OSBPL10: variants seen among roughly 807,000 people sequenced by gnomAD.
The protein encoded by OSBPL10 is oxysterol binding protein like 10, also known as oxysterol-binding protein-related protein 10.
In OSBPL10, 49 loss-of-function variants were observed where a neutral mutation model predicts 81.7. That is an observed-to-expected ratio of 0.60 (90% CI 0.48 to 0.76). The LOEUF (loss-of-function observed/expected upper bound fraction) is 0.76. OSBPL10 is among the 30% of genes least tolerant of loss of function. The pLI is 0.00. For missense variants in OSBPL10, 923 were observed against 987.8 expected (o/e 0.93, Z 0.88); for synonymous variants, 419 against 383.6 (o/e 1.09, Z -1.08).
At chr3:31,991,256 G>T in intron 2 of OSBPL10, 1 of 354,324 alleles carries the variant, frequency 2.8e-6, no homozygotes, top group Non-Finnish European at 5.3e-6. Context: ...GACCATCCTG[G>T]CCAAAAGACG....
intron 4 of OSBPL10, among the ~76,000 whole-genome samples, chr3:31,759,711 CA>C (rs910728795): frequency 6.6e-6 from 1 of 152,248 alleles, no homozygotes; most frequent in African/African-American, 2.4e-5. Flanking sequence ...CACATATTAG[CA>C]CTGTATTCTT....
At chr3:31,905,246 G>C (rs193168219) in intron 1 of OSBPL10, among the ~76,000 whole-genome samples, 67 of 151,128 alleles carry the variant, frequency 4.4e-4, no homozygotes, top group African/African-American at 1.6e-3. Context: ...TATGAGCTGT[G>C]ATTTCCTAGT....
intron 6 of OSBPL10, among the ~76,000 whole-genome samples, chr3:31,732,429 T>C (rs1697003239): frequency 6.6e-6 from 1 of 152,198 alleles, no homozygotes; most frequent in Non-Finnish European, 1.5e-5. Context: ...TTTGTAAGTG[T>C]TCTACAATTT....
At chr3:31,970,701 C>T (rs1248799331) in intron 1 of OSBPL10, among the ~76,000 whole-genome samples, 1 of 152,212 alleles carries the variant, frequency 6.6e-6, no homozygotes, top group East Asian at 1.9e-4. Flanking sequence ...TCTGATGCTT[C>T]GTGGACCCAC....
intron 6 of OSBPL10, among the ~76,000 whole-genome samples, chr3:31,710,075 T>C (rs1431231866): frequency 6.6e-6 from 1 of 152,170 alleles, no homozygotes; most frequent in Non-Finnish European, 1.5e-5. Flanking sequence ...CCACCACAGC[T>C]TTAGGAGACA....
intron 6 of OSBPL10, chr3:31,714,627 T>C (rs1478103940): frequency 6.6e-6 from 1 of 152,328 alleles, no homozygotes; most frequent in Non-Finnish European, 1.5e-5. Context: ...CAGCCCTGCG[T>C]GCACTCGAGA....
rs772370911 is a variant in OSBPL10, at chr3:31,830,112, C to T, written c.657G>A (p.Thr219=). 1.7e-5 allele frequency: 27 copies of T among 1,613,932 alleles called. No individual in the cohort carries two copies. The highest frequency in any genetic ancestry group is 1.5e-4 in the African/African-American group (11 of 74,894). Reference sequence around the variant, plus strand: ...GGGCGGCTGCAGGCGACTTGTGATGCGTGATTGTGACAACACCGGGGGCCC... The same window carrying T: ...GGGCGGCTGCAGGCGACTTGTGATGTGTGATTGTGACAACACCGGGGGCCC... The part of the protein sequence containing the change: ...SVGAPGVVTI[T]HHKSPAAARR... Residue 219 remains threonine (T), a synonymous_variant, in exon 4 of 12, where the codon ACG becomes ACA. Transcript: ENST00000396556.
At chr3:31,871,131 T>G (rs1701313197) in intron 3 of OSBPL10, among the ~76,000 whole-genome samples, 1 of 152,202 alleles carries the variant, frequency 6.6e-6, no homozygotes, top group Admixed American at 6.5e-5. Flanking sequence ...CGTCCCCTTC[T>G]GCACTGTAGA....
At chr3:31,768,612 T>A (rs565734203) in intron 4 of OSBPL10, among the ~76,000 whole-genome samples, 1 of 152,314 alleles carries the variant, frequency 6.6e-6, no homozygotes, top group Non-Finnish European at 1.5e-5. Flanking sequence ...TAAATTGGCC[T>A]ATGTTCATGT....
intron 2 of OSBPL10, among the ~76,000 whole-genome samples, chr3:32,029,546 G>GTA (rs1699448181): frequency 2.0e-5 from 3 of 152,094 alleles, no homozygotes; most frequent in African/African-American, 7.2e-5. Context: ...GATATGTTCT[G>GTA]CCGGTAACAA....
At chr3:31,772,127 A>G (rs1008928843) in intron 4 of OSBPL10, among the ~76,000 whole-genome samples, 8 of 152,172 alleles carry the variant, frequency 5.3e-5, no homozygotes, top group Admixed American at 1.3e-4. Context: ...TGAATTAGAC[A>G]ATACTAAACG....
chr3:31,693,201 G>A (rs1695608023), intron 7 of OSBPL10, among the ~76,000 whole-genome samples: 1 of 152,096 alleles, frequency 6.6e-6, no homozygotes, highest in Non-Finnish European at 1.5e-5. Context: ...GCCTTGTGGG[G>A]TTCATTTCCA....
Position 31,890,927 on chromosome 3 carries a change from C to T in OSBPL10, c.282-11097G>A, listed in dbSNP as rs79468763. ...TATAACACACCCATCCTGAAAGTCA[C>T]GCTGAAAAAATTCTGATACTAGCTA... On this transcript the variant is annotated intron_variant, in intron 1 of 11. Coordinates refer to ENST00000396556, the MANE Select transcript of OSBPL10 (RefSeq NM_017784.5). Among the ~76,000 whole-genome samples the T allele has an allele frequency of 1.4e-4, 22 of 152,160 alleles. No homozygotes were observed. In the East Asian group the frequency reaches 4.3e-3, roughly 29 times the overall value.
chr3:31,904,973 G>A (rs574262119), intron 1 of OSBPL10, among the ~76,000 whole-genome samples: 6 of 152,066 alleles, frequency 3.9e-5, no homozygotes, highest in Non-Finnish European at 8.8e-5. Context: ...GGCTGCCACC[G>A]GAATATAAAA....
chr3:31,797,889 G>T (rs1231259059), intron 4 of OSBPL10: 1 of 444,810 alleles, frequency 2.2e-6, no homozygotes, highest in East Asian at 7.1e-5. Context: ...AATAGCTATG[G>T]TTCTTTCTAG....
At chr3:31,760,585 T>C (rs1483051624) in intron 4 of OSBPL10, among the ~76,000 whole-genome samples, 1 of 152,218 alleles carries the variant, frequency 6.6e-6, no homozygotes, top group Non-Finnish European at 1.5e-5. Context: ...TCAATATAGA[T>C]GCAATCATCC....
At chr3:31,845,278 C>T (rs1559489249) in intron 3 of OSBPL10, among the ~76,000 whole-genome samples, 1 of 152,154 alleles carries the variant, frequency 6.6e-6, no homozygotes, top group Non-Finnish European at 1.5e-5. Context: ...GTGGAACATA[C>T]AGAATATTTT....
chr3:31,996,861 G>C (rs1575082105), intron 2 of OSBPL10, among the ~76,000 whole-genome samples: 1 of 152,244 alleles, frequency 6.6e-6, no homozygotes, highest in East Asian at 1.9e-4. Flanking sequence ...GTTCAGTTTT[G>C]TGAGCACTCC....
In OSBPL10 at chr3:31,830,214, T is replaced by G. The variant is rs755436883; in HGVS notation, c.555A>C (p.Arg185=). 6.2e-7 allele frequency: 1 copy of G among 1,613,864 alleles called. No homozygotes were observed. Among genetic ancestry groups the G allele is most frequent in the East Asian group, 2.2e-5 (1 of 44,868 alleles). ...GTGGGAGCAAAGTGAGACTTCGGCT[T>G]CGGGAGCTTGGAGCACTCTAGAATA... The part of the protein sequence containing the change: ...EMNSKSAPSS[R]SRSLTLLPHG... The change falls in exon 4 of 12, where the codon CGA becomes CGC. Residue 185 remains arginine (R), a synonymous_variant. Coordinates refer to ENST00000396556, the MANE Select transcript of OSBPL10 (RefSeq NM_017784.5).
Sources: gnomAD v4.1 joint callset for allele counts (sites outside exome capture counted in the v4.1 genomes callset) on GRCh38, gnomAD v4.1.1 for gene constraint, MANE v1.5 for transcripts, NCBI Gene and HGNC (gene_info 2026-07-23, HGNC 2026-07-21) for gene names.